KIF9: variants seen among roughly 807,000 people sequenced by gnomAD.
KIF9 encodes kinesin family member 9, also known as kinesin-like protein KIF9.
A neutral mutation model predicts 94.8 loss-of-function variants in KIF9; 68 were observed. The observed-to-expected ratio is 0.72, with a 90% CI of 0.59 to 0.88. The LOEUF (loss-of-function observed/expected upper bound fraction) is 0.88, where lower values mean the gene tolerates loss of function less well. Among genes scored for constraint, KIF9 ranks in the 40% least tolerant of loss-of-function variants. The probability of loss-of-function intolerance (pLI) is 0.00; values close to 1 mark genes in which losing one functional copy is unlikely to be tolerated. For missense variants in KIF9, 882 were observed against 982.5 expected (o/e 0.90, Z 1.37); for synonymous variants, 343 against 362.1 (o/e 0.95, Z 0.60).
rs759916865 is a variant in KIF9 at position 47,243,022 on chromosome 3, T to C, written c.1709+29A>G. The C allele has an allele frequency of 1.0e-5, 16 of 1,559,868 alleles. No homozygotes were observed. The South Asian group carries it at 1.8e-4, about 18-fold the overall frequency. On this transcript the variant is annotated intron_variant, in intron 16 of 20. Coordinates refer to ENST00000684063, the MANE Select transcript of KIF9 (RefSeq NM_182902.4). ...GGATCACATATGGTTTTGTTTGATC[T>C]GGTGCAGAAGCTAACATTAGCTGAT...
intron 10 of KIF9, among the ~76,000 whole-genome samples, chr3:47,248,857 C>A (rs1454181976): frequency 6.6e-6 from 1 of 152,052 alleles, no homozygotes; most frequent in South Asian, 2.1e-4. Flanking sequence ...AATCCTCTCA[C>A]CTCAGCCTCC....
At chr3:47,245,253 T>G in intron 14 of KIF9, 168 bp downstream of exon 14, 1 of 651,414 alleles carries the variant, frequency 1.5e-6, no homozygotes, top group East Asian at 2.6e-5. Flanking sequence ...TATTTTTAAT[T>G]CAAAAGTGGT....
chr3:47,275,352 C>T lies in KIF9; in HGVS notation c.232G>A (p.Val78Ile), dbSNP rs2270569. The change falls in exon 3 of 21, where the codon GTT becomes ATT. Residue 78 changes from valine (V) to isoleucine (I), a missense_variant. Physicochemically the swap from Val to Ile is conservative, Grantham distance 29 (BLOSUM62 3). Coordinates refer to ENST00000684063, the MANE Select transcript of KIF9 (RefSeq NM_182902.4). The part of the protein sequence containing the change: ...LVYETVAKDV[V>I]SQALDGYNGT... ...TTATAGCCATCGAGGGCCTGAGAAA[C>T]CACATCCTTTGCAACTGTCTCATAA... 271 of 1,613,204 alleles carry T rather than the reference C, an allele frequency of 1.7e-4. 4 individuals are homozygous for T. In the East Asian group the frequency reaches 5.9e-3, roughly 35 times the overall value.
intron 10 of KIF9, among the ~76,000 whole-genome samples, chr3:47,256,694 G>A (rs1328755167): frequency 1.3e-5 from 2 of 152,242 alleles, no homozygotes; most frequent in Non-Finnish European, 2.9e-5. Context: ...GTTTTGTGGA[G>A]TAGAAAGGGG....
chr3:47,256,904 CG>C (rs1490941077), intron 10 of KIF9, among the ~76,000 whole-genome samples: 2 of 152,106 alleles, frequency 1.3e-5, no homozygotes, highest in African/African-American at 4.8e-5. Context: ...GGATTAAGGG[CG>C]GTGCAAGATG....
intron 17 of KIF9, among the ~76,000 whole-genome samples, chr3:47,237,647 T>C (rs1193104029): frequency 6.6e-6 from 1 of 152,142 alleles, no homozygotes; most frequent in Non-Finnish European, 1.5e-5. Flanking sequence ...AAGTGTAGGG[T>C]AAGTGTGTTC....
chr3:47,236,398 T>C (rs1208646778), intron 18 of KIF9, 45 bp downstream of exon 18: 1 of 1,601,268 alleles, frequency 6.2e-7, no homozygotes, highest in African/African-American at 1.3e-5. Flanking sequence ...TCTCCCTGAG[T>C]CTCCTTGTAC....
At chr3:47,263,354 G>A (rs1701100526) in intron 9 of KIF9, among the ~76,000 whole-genome samples, 1 of 152,080 alleles carries the variant, frequency 6.6e-6, no homozygotes, top group Non-Finnish European at 1.5e-5. Context: ...CAGGCCACCT[G>A]TGTCCTGCCA....
Position 47,271,365 on chromosome 3 carries a change from T to C in KIF9, c.463A>G (p.Thr155Ala). 6.2e-7 allele frequency: 1 copy of C among 1,613,518 alleles called. No individual in the cohort carries two copies. Among genetic ancestry groups the C allele is most frequent in the Non-Finnish European group, 8.5e-7 (1 of 1,179,856 alleles). The stretch of plus-strand genomic sequence containing the variant: ...ACTGAGGGTCCAACATAGGGCAGAG[T>C]GGACAGGAGATCAAACAGGCTCTCA... The part of the protein sequence containing the change: ...YNESLFDLLS[T>A]LPYVGPSVTP... Residue 155 changes from threonine (T) to alanine (A), a missense_variant, in exon 5 of 21, where the codon ACT becomes GCT. Thr to Ala is a moderately conservative substitution (Grantham distance 58). Coordinates refer to ENST00000684063, the MANE Select transcript of KIF9 (RefSeq NM_182902.4).
In KIF9 at chr3:47,271,548, C is replaced by T; in HGVS notation, c.367-87G>A. 6.9e-6 allele frequency: 6 copies of T among 874,554 alleles called. No homozygotes were observed. The South Asian group carries it at 8.4e-5, about 12-fold the overall frequency. The allele number at this position is 874,554 out of a possible 1,614,324, so 54.2% of individuals were successfully genotyped here. A position where few individuals can be genotyped will look rare whatever the true frequency, so the allele number is the denominator to read the frequency against. On this transcript the variant is annotated intron_variant, in intron 4 of 20. Transcript: ENST00000684063. ...GGGGGCTTCCTAACTCAGAAGGGAA[C>T]ATCAAGATGTATAGAATAATTATTG...
intron 20 of KIF9, among the ~76,000 whole-genome samples, chr3:47,232,528 ACTCAT>A (rs2107005552): frequency 6.6e-6 from 1 of 151,196 alleles, no homozygotes; most frequent in African/African-American, 2.4e-5. Context: ...TAGGTGATCC[ACTCAT>A]CTCAGCCTCC....
rs777404524 is a variant in KIF9 at position 47,267,046 on chromosome 3, T to C, written c.698A>G (p.Glu233Gly). 6 of 1,613,798 alleles carry C rather than the reference T, an allele frequency of 3.7e-6. No individual in the cohort carries two copies. In the East Asian group the frequency reaches 1.1e-4, roughly 30 times the overall value. ...YLEAHSRTLS[E>G]EKYITSKINL... ...AATTTTGGAAGTGATGTACTTTTCC[T>C]CTGATAAGGTCCGGGAATGGGCCTA... Residue 233 changes from glutamate (E) to glycine (G), a missense_variant, in exon 7 of 21, where the codon GAG (glutamate) becomes GGG (glycine). Coordinates refer to ENST00000684063, the MANE Select transcript of KIF9 (RefSeq NM_182902.4).
intron 1 of KIF9, among the ~76,000 whole-genome samples, chr3:47,280,403 G>T (rs1016721408): frequency 1.3e-5 from 2 of 152,204 alleles, no homozygotes; most frequent in African/African-American, 2.4e-5. Context: ...AGTAGCACAG[G>T]CCAGTTCAGA....
chr3:47,257,525 T>C lies in KIF9; in HGVS notation c.1017A>G (p.Leu339=). Residue 339 remains leucine, a synonymous_variant, in exon 10 of 21, where the codon CTA becomes CTG. Transcript: ENST00000684063. ...SSLRFASRMK[L]VTTEPAINEK... is the part of the protein sequence containing the mutation. ...CATTGATGGCAGGCTCAGTGGTGAC[T>C]AGCTTCATCCTGCTGGCAAATCTCA... 1 of 1,613,976 alleles carries C rather than the reference T, an allele frequency of 6.2e-7. No homozygotes were observed. Among genetic ancestry groups the C allele is most frequent in the African/African-American group, 1.3e-5 (1 of 75,060 alleles).
chr3:47,270,150 C>T (rs1007979843), intron 5 of KIF9, among the ~76,000 whole-genome samples: 2 of 151,952 alleles, frequency 1.3e-5, no homozygotes, highest in Non-Finnish European at 2.9e-5. Flanking sequence ...GTGATCCACC[C>T]ACCTCAGCCT....
intron 10 of KIF9, chr3:47,250,508 A>G (rs1358969585): frequency 2.3e-6 from 1 of 440,054 alleles, no homozygotes; most frequent in Non-Finnish European, 4.7e-6. Context: ...TAAATAAATG[A>G]TACTTTTTTT....
In KIF9 at chr3:47,228,714, G is replaced by A; in HGVS notation, c.2323-12C>T. On this transcript the variant is annotated splice_polypyrimidine_tract_variant and intron_variant, in intron 20 of 20. Coordinates refer to ENST00000684063, the MANE Select transcript of KIF9 (RefSeq NM_182902.4). ...TTCAAGTAATTATGCTGGACACAGAGGGAAGAGAAAACAGGAACTTATTAG... is the reference window on the plus strand; with the variant it reads ...TTCAAGTAATTATGCTGGACACAGAAGGAAGAGAAAACAGGAACTTATTAG... The A allele has an allele frequency of 6.2e-7, 1 of 1,612,980 alleles. No homozygotes were observed. The highest frequency in any genetic ancestry group is 8.5e-7 in the Non-Finnish European group (1 of 1,179,002).
chr3:47,249,392 C>T (rs1002683132), intron 10 of KIF9, among the ~76,000 whole-genome samples: 5 of 151,924 alleles, frequency 3.3e-5, no homozygotes, highest in East Asian at 3.9e-4. Context: ...GTGATCTGCC[C>T]GCCTCAGCCT....
At chr3:47,234,303 A>G (rs1246760332) in intron 20 of KIF9, among the ~76,000 whole-genome samples, 1 of 150,708 alleles carries the variant, frequency 6.6e-6, no homozygotes, top group Non-Finnish European at 1.5e-5. Context: ...GTACAATCTC[A>G]GCTCACTGGG....
Sources: allele counts gnomAD v4.1 joint callset (sites outside exome capture counted in the v4.1 genomes callset), GRCh38; gene constraint gnomAD v4.1.1; transcripts MANE v1.5; gene names NCBI Gene and HGNC (gene_info 2026-07-23, HGNC 2026-07-21).